Variants in CSMD1 observed in about 807,000 individuals in gnomAD.
CSMD1 encodes CUB and sushi domain-containing protein 1.
Under a neutral mutation model 417.5 loss-of-function variants are expected in CSMD1, and 213 were observed. The observed-to-expected ratio is 0.51, with a 90% CI of 0.46 to 0.57. The LOEUF (loss-of-function observed/expected upper bound fraction) is 0.57, where lower values mean the gene tolerates loss of function less well. Ranked by LOEUF, CSMD1 falls within the 20% of genes least tolerant of loss-of-function variation. The probability of loss-of-function intolerance (pLI) is 0.00; values close to 1 mark genes in which losing one functional copy is unlikely to be tolerated. For missense variants in CSMD1, 6,923 were observed against 4,529.7 expected (o/e 1.53, Z -15.17); for synonymous variants, 2,862 against 1,736.8 (o/e 1.65, Z -16.11).
At chr8:4,989,256 C>G (rs1271944362) in intron 1 of CSMD1, among the ~76,000 whole-genome samples, 1 of 152,046 alleles carries the variant, frequency 6.6e-6, no homozygotes, top group African/African-American at 2.4e-5. Flanking sequence ...GGTTGCATAT[C>G]CATGCCAGGT....
At chr8:3,571,525 C>T (rs1003562048) in intron 10 of CSMD1, among the ~76,000 whole-genome samples, 1 of 152,088 alleles carries the variant, frequency 6.6e-6, no homozygotes, top group East Asian at 1.9e-4. Context: ...GCTCACCTGC[C>T]TCGAGTTTGA....
At chr8:4,993,944 G>A (rs968860064) in intron 1 of CSMD1, among the ~76,000 whole-genome samples, 1 of 152,098 alleles carries the variant, frequency 6.6e-6, no homozygotes, top group African/African-American at 2.4e-5. Flanking sequence ...CGGGGAGAAA[G>A]TCCTGGGAAC....
intron 5 of CSMD1, among the ~76,000 whole-genome samples, chr8:3,989,262 C>G (rs745957420): frequency 3.3e-5 from 5 of 152,182 alleles, no homozygotes; most frequent in African/African-American, 1.2e-4. Context: ...ACCTGCTCTA[C>G]GTCATCAAGC....
intron 3 of CSMD1, among the ~76,000 whole-genome samples, chr8:4,172,446 G>A (rs1035400570): frequency 3.2e-4 from 48 of 152,042 alleles, no homozygotes; most frequent in African/African-American, 1.1e-3. Flanking sequence ...AGGTTTCCCA[G>A]GTGTTGTGTT....
chr8:3,326,987 G>C (rs886897278), intron 23 of CSMD1, among the ~76,000 whole-genome samples: 3 of 151,726 alleles, frequency 2.0e-5, no homozygotes, highest in African/African-American at 4.8e-5. Context: ...GACCTGCCTG[G>C]GCAATAGAGC....
intron 2 of CSMD1, among the ~76,000 whole-genome samples, chr8:4,534,161 G>T (rs910532370): frequency 6.6e-6 from 1 of 152,158 alleles, no homozygotes; most frequent in Non-Finnish European, 1.5e-5. Flanking sequence ...GATATCATCA[G>T]AAAAGAGAAA....
intron 1 of CSMD1, among the ~76,000 whole-genome samples, chr8:4,662,570 T>C (rs928878975): frequency 2.0e-5 from 3 of 152,238 alleles, no homozygotes; most frequent in African/African-American, 7.2e-5. Flanking sequence ...AATGTAAAGA[T>C]GTCATTCATG....
At chr8:3,465,994 C>G (rs1816772082) in intron 12 of CSMD1, among the ~76,000 whole-genome samples, 1 of 152,024 alleles carries the variant, frequency 6.6e-6, no homozygotes, top group Non-Finnish European at 1.5e-5. Context: ...TCTAAACACC[C>G]CTCAGTTGGG....
At chr8:3,610,877 T>A (rs1023578152) in intron 8 of CSMD1, among the ~76,000 whole-genome samples, 1 of 152,004 alleles carries the variant, frequency 6.6e-6, no homozygotes, top group African/African-American at 2.4e-5. Flanking sequence ...TTCACTGAGT[T>A]GCCTTTTCCA....
chr8:3,421,263 C>A (rs1813471246), intron 12 of CSMD1, among the ~76,000 whole-genome samples: 1 of 152,118 alleles, frequency 6.6e-6, no homozygotes, highest in South Asian at 2.1e-4. Context: ...AGACTGGATC[C>A]AGGGATTGGC....
intron 5 of CSMD1, among the ~76,000 whole-genome samples, 173 bp from the exon 6 acceptor site, chr8:3,754,215 TG>T (rs918895914): frequency 6.6e-6 from 1 of 152,220 alleles, no homozygotes; most frequent in African/African-American, 2.4e-5. Context: ...ATTTTATCTT[TG>T]CCCAAACATA....
rs79030671 is a variant in CSMD1, at chr8:4,791,977, G to A, written c.86-154419C>T. On this transcript the variant is annotated intron_variant, in intron 1 of 69. Coordinates refer to ENST00000635120, the MANE Select transcript of CSMD1 (RefSeq NM_033225.6). ...TTTAAATACAAGATTGTTTATCCAA[G>A]TGTCCTTTATAGTGTGTGTCTCAAA... 3.5e-3 allele frequency among the ~76,000 whole-genome samples: 526 copies of A among 151,616 alleles called. 9 individuals carry two copies. The highest frequency in any genetic ancestry group is 0.012 in the African/African-American group (505 of 41,080).
chr8:4,014,708 C>A (rs1321278208), intron 4 of CSMD1, among the ~76,000 whole-genome samples: 1 of 152,200 alleles, frequency 6.6e-6, no homozygotes, highest in Non-Finnish European at 1.5e-5. Context: ...GCTAGAATGA[C>A]AAAGTCCTTG....
chr8:4,451,085 G>T (rs1046719979), intron 2 of CSMD1, among the ~76,000 whole-genome samples: 6 of 152,110 alleles, frequency 3.9e-5, no homozygotes, highest in Non-Finnish European at 5.9e-5. Flanking sequence ...AAGCACTTTG[G>T]GAGGCCAAGG....
intron 1 of CSMD1, among the ~76,000 whole-genome samples, chr8:4,927,263 G>A (rs1214414600): frequency 1.3e-5 from 2 of 151,740 alleles, no homozygotes; most frequent in African/African-American, 4.8e-5. Flanking sequence ...TCACCATCTT[G>A]GCTAGGCTGG....
intron 10 of CSMD1, among the ~76,000 whole-genome samples, chr8:3,541,886 A>G (rs1798455488): frequency 6.6e-6 from 1 of 152,080 alleles, no homozygotes; most frequent in Admixed American, 6.5e-5. Flanking sequence ...AAATGGCAAA[A>G]CCCCATCTCT....
At chr8:4,262,623 C>T (rs978724246) in intron 3 of CSMD1, among the ~76,000 whole-genome samples, 6 of 152,110 alleles carry the variant, frequency 3.9e-5, no homozygotes, top group South Asian at 2.1e-4. Context: ...CTTCAAACAG[C>T]CATCGCCACC....
chr8:3,276,774 G>A (rs138601055), intron 26 of CSMD1, among the ~76,000 whole-genome samples: 87 of 152,218 alleles, frequency 5.7e-4, no homozygotes, highest in African/African-American at 1.9e-3. Context: ...ATTATGCAAA[G>A]TCATACTAAT....
At chr8:4,097,772 C>G (rs772578057) in intron 3 of CSMD1, among the ~76,000 whole-genome samples, 60 of 152,238 alleles carry the variant, frequency 3.9e-4, no homozygotes, top group Admixed American at 5.2e-4. Context: ...TGGGTAAGTA[C>G]GAACATTAGT....
Sources: allele counts gnomAD v4.1 joint callset (sites outside exome capture counted in the v4.1 genomes callset), GRCh38; gene constraint gnomAD v4.1.1; transcripts MANE v1.5; gene names NCBI Gene and HGNC (gene_info 2026-07-23, HGNC 2026-07-21).